The following ZFHX4 variants were observed in gnomAD, a reference collection of about 807,000 sequenced individuals.
ZFHX4 encodes zinc finger homeobox 4, also known as zinc finger homeobox protein 4.
ZFHX4 carries 56 observed loss-of-function variants against 267.6 expected under a neutral mutation model. The ratio of observed to expected loss-of-function variants is 0.21; its 90% CI spans 0.17 to 0.26. The LOEUF (loss-of-function observed/expected upper bound fraction) is 0.26, where lower values mean the gene tolerates loss of function less well. Ranked by LOEUF, ZFHX4 falls within the 10% of genes least tolerant of loss-of-function variation. The probability of loss-of-function intolerance (pLI) is 1.00; values close to 1 mark genes in which losing one functional copy is unlikely to be tolerated. For missense variants in ZFHX4, 4,332 were observed against 4,420.0 expected, an observed-to-expected ratio of 0.98 and a Z score of 0.56; for synonymous variants, 1,778 against 1,665.6, an observed-to-expected ratio of 1.07 and a Z score of -1.64.
At chr8:76,759,369 A>C (rs1233895816) in intron 3 of ZFHX4, among the ~76,000 whole-genome samples, 1 of 152,186 alleles carries the variant, frequency 6.6e-6, no homozygotes, top group African/African-American at 2.4e-5. Context: ...TAGTTTATTA[A>C]GTGTAATTCC....
intron 4 of ZFHX4, among the ~76,000 whole-genome samples, chr8:76,815,854 T>C (rs1811492125): frequency 6.6e-6 from 1 of 152,164 alleles, no homozygotes; most frequent in African/African-American, 2.4e-5. Flanking sequence ...GTTAATACCA[T>C]TACCTTGGGG....
chr8:76,748,904 A>G (rs970924222), intron 3 of ZFHX4, among the ~76,000 whole-genome samples: 1 of 152,232 alleles, frequency 6.6e-6, no homozygotes, highest in Non-Finnish European at 1.5e-5. Context: ...TTCAACTTAT[A>G]TAAAAGCCAA....
chr8:76,708,200 A>G lies in ZFHX4; in HGVS notation c.3093+152A>G, dbSNP rs532404258. ...AGTTTCTGATTAACATTATAAAAAC[A>G]TATTGAAATATATGGAATTGAAGGC... On this transcript the variant is annotated intron_variant, in intron 3 of 10. Coordinates refer to ENST00000651372, the MANE Select transcript of ZFHX4 (RefSeq NM_024721.5). 1.6e-3 allele frequency: 1,502 copies of G among 921,060 alleles called. 1 individual carries two copies. The highest frequency in any genetic ancestry group is 2.1e-3 in the Non-Finnish European group (1,314 of 612,232). 57.1% of individuals were successfully genotyped at this position (921,060 alleles called of 1,614,324 possible).
chr8:76,750,919 T>A (rs147291943), intron 3 of ZFHX4, among the ~76,000 whole-genome samples: 3 of 152,186 alleles, frequency 2.0e-5, no homozygotes, highest in Non-Finnish European at 4.4e-5. Flanking sequence ...AATTGATTAC[T>A]GTATTTGTAA....
At position 76,706,471 on chromosome 8, in the gene ZFHX4, A is replaced by T. The variant is rs746697700; in HGVS notation, c.2383A>T (p.Met795Leu). The T allele has an allele frequency of 1.1e-5, 18 of 1,614,014 alleles. No individual in the cohort carries two copies. ...HMTSEKHMHN[M>L]MLLQQNMKQI... ...GACCAGCGAAAAGCACATGCATAATATGATGCTTTTGCAGCAGAACATGAA... is the reference window on the plus strand; with the variant it reads ...GACCAGCGAAAAGCACATGCATAATTTGATGCTTTTGCAGCAGAACATGAA... Residue 795 changes from methionine (M) to leucine (L), a missense_variant, in exon 2 of 11, where the codon ATG becomes TTG. By Grantham distance (15) the Met-to-Leu change is conservative. Coordinates refer to ENST00000651372, the MANE Select transcript of ZFHX4 (RefSeq NM_024721.5).
chr8:76,843,481 G>A (rs1193692124), intron 6 of ZFHX4, among the ~76,000 whole-genome samples: 1 of 152,092 alleles, frequency 6.6e-6, no homozygotes, highest in Non-Finnish European at 1.5e-5. Flanking sequence ...ACAAACCCTA[G>A]GCCAGCATCT....
intron 5 of ZFHX4, among the ~76,000 whole-genome samples, chr8:76,838,289 T>C (rs1431961011): frequency 6.6e-6 from 1 of 152,132 alleles, no homozygotes; most frequent in East Asian, 1.9e-4. Context: ...CCTTTCAAGA[T>C]GGGGTCCAGT....
In ZFHX4 at chr8:76,855,976, C is replaced by T. The variant is rs772494746; in HGVS notation, c.9055C>T (p.Arg3019Cys). The part of the protein sequence containing the change: ...CTLCGVKYSA[R>C]LSIRDHIFSK... ...CCTCTGCGGGGTGAAGTACTCTGCC[C>T]GCTTGTCCATCAGAGATCACATTTT... Residue 3019 changes from arginine to cysteine, a missense_variant, in exon 10 of 11, where the codon CGC becomes TGC. This residue lies in a region of ZFHX4 where 1,648 missense variants were observed against 1,625.0 expected (regional missense o/e 1.01). Coordinates refer to ENST00000651372, the MANE Select transcript of ZFHX4 (RefSeq NM_024721.5). 1.1e-5 allele frequency: 18 copies of T among 1,613,742 alleles called. No individual in the cohort carries two copies. Among genetic ancestry groups the T allele is most frequent in the South Asian group, 5.5e-5 (5 of 91,080 alleles).
chr8:76,845,600 CATT>C (rs1263049588), intron 6 of ZFHX4, among the ~76,000 whole-genome samples: 1 of 151,954 alleles, frequency 6.6e-6, no homozygotes, highest in African/African-American at 2.4e-5. Context: ...TACATTGACT[CATT>C]AATAATAACT....
chr8:76,789,607 T>C (rs1007056941), intron 4 of ZFHX4, among the ~76,000 whole-genome samples: 10 of 152,322 alleles, frequency 6.6e-5, no homozygotes, highest in Admixed American at 2.6e-4. Flanking sequence ...GTCAGAATTA[T>C]CTAGTTTATT....
chr8:76,743,426 G>T (rs1209694766), intron 3 of ZFHX4, among the ~76,000 whole-genome samples: 1 of 152,192 alleles, frequency 6.6e-6, no homozygotes, highest in Non-Finnish European at 1.5e-5. Context: ...GCATGAACAT[G>T]CGTGCCACCC....
intron 3 of ZFHX4, among the ~76,000 whole-genome samples, chr8:76,757,742 A>G (rs1809801347): frequency 6.6e-6 from 1 of 152,204 alleles, no homozygotes. Flanking sequence ...CACCATGCCT[A>G]TGTCTCTTGC....
intron 5 of ZFHX4, among the ~76,000 whole-genome samples, chr8:76,838,712 G>C (rs905884116): frequency 6.6e-6 from 1 of 152,038 alleles, no homozygotes. Context: ...AAATGCTTTC[G>C]TAGCAGACTT....
intron 3 of ZFHX4, among the ~76,000 whole-genome samples, chr8:76,776,371 C>G (rs1405291810): frequency 2.0e-5 from 3 of 152,124 alleles, no homozygotes; most frequent in Non-Finnish European, 4.4e-5. Context: ...ACAAGGCACT[C>G]TCTCTCACAC....
intron 3 of ZFHX4, among the ~76,000 whole-genome samples, chr8:76,727,107 A>G (rs995264590): frequency 6.6e-6 from 1 of 152,128 alleles, no homozygotes; most frequent in Non-Finnish European, 1.5e-5. Flanking sequence ...AGGCCTATCC[A>G]AGGTCAAGCT....
In ZFHX4 at chr8:76,721,219, G is replaced by A. The variant is rs1233732695; in HGVS notation, c.3093+13171G>A. On this transcript the variant is annotated intron_variant, in intron 3 of 10. Coordinates refer to ENST00000651372, the MANE Select transcript of ZFHX4 (RefSeq NM_024721.5). ...CACTCATACCAGTATGTAGGCTTTA[G>A]TTCTTTATAAAGTCTGAATGTGAAT... 3.9e-5 allele frequency among the ~76,000 whole-genome samples: 6 copies of A among 152,166 alleles called. 2 individuals are homozygous for A. Among genetic ancestry groups the A allele is most frequent in the Non-Finnish European group, 8.8e-5 (6 of 68,016 alleles).
intron 3 of ZFHX4, among the ~76,000 whole-genome samples, chr8:76,744,971 G>C (rs907290607): frequency 6.6e-6 from 1 of 152,080 alleles, no homozygotes; most frequent in Non-Finnish European, 1.5e-5. Context: ...TACTCTTCTT[G>C]TGATGCCCAA....
At chr8:76,778,154 G>T in intron 3 of ZFHX4, 54 bp from the exon 4 acceptor site, 2 of 1,222,204 alleles carry the variant, frequency 1.6e-6, no homozygotes, top group Non-Finnish European at 2.4e-6. Context: ...CACCTGTTTT[G>T]TTATCCACCA....
intron 3 of ZFHX4, among the ~76,000 whole-genome samples, chr8:76,767,124 A>C (rs888944589): frequency 6.6e-6 from 1 of 152,074 alleles, no homozygotes; most frequent in African/African-American, 2.4e-5. Flanking sequence ...TGACATGAAC[A>C]TACAAATTAG....
Sources: allele counts gnomAD v4.1 joint callset (sites outside exome capture counted in the v4.1 genomes callset), GRCh38; gene constraint gnomAD v4.1.1; regional missense constraint gnomAD v4.1.1; transcripts MANE v1.5; gene names NCBI Gene and HGNC (gene_info 2026-07-23, HGNC 2026-07-21).